Variants in FMNL2 observed in about 807,000 individuals in gnomAD.
FMNL2 encodes the protein formin like 2, also known as formin-like protein 2.
FMNL2 carries 51 observed loss-of-function variants against 130.2 expected under a neutral mutation model. That is an observed-to-expected ratio of 0.39 (90% CI 0.31 to 0.49). The LOEUF is 0.49. Ranked by LOEUF, FMNL2 falls within the 20% of genes least tolerant of loss-of-function variation. The pLI, the probability that FMNL2 is intolerant of heterozygous loss-of-function variation, is 0.85. For synonymous variants in FMNL2, 465 were observed against 467.1 expected, an observed-to-expected ratio of 1.00 and a Z score of 0.06; for missense variants, 977 against 1,316.2, an observed-to-expected ratio of 0.74 and a Z score of 3.99.
At chr2:152,492,653 T>G (rs750911622) in intron 1 of FMNL2, among the ~76,000 whole-genome samples, 3 of 152,222 alleles carry the variant, frequency 2.0e-5, no homozygotes, top group Non-Finnish European at 4.4e-5. Flanking sequence ...TTAATTAGTT[T>G]TGATTCAAAC....
chr2:152,577,038 T>C (rs1323000185), intron 7 of FMNL2, among the ~76,000 whole-genome samples: 2 of 152,204 alleles, frequency 1.3e-5, no homozygotes, highest in African/African-American at 4.8e-5. Flanking sequence ...CCATGCTGGC[T>C]TCTGTGTTTA....
Position 152,382,342 on chromosome 2 carries a change from G to A in FMNL2, c.117+46622G>A, listed in dbSNP as rs562204986. Among the ~76,000 whole-genome samples, 135 of 152,278 alleles carry A rather than the reference G, an allele frequency of 8.9e-4. 1 individual carries two copies. Among genetic ancestry groups the A allele is most frequent in the African/African-American group, 3.1e-3 (130 of 41,560 alleles). On this transcript the variant is annotated intron_variant, in intron 1 of 25. Coordinates refer to ENST00000288670, the MANE Select transcript of FMNL2 (RefSeq NM_052905.4). ...AAGGAGAGGCGTCATTAAGGAAAGC[G>A]CATGTGTCTTTGTTTCCTCTGGGTG...
At chr2:152,608,368 AAAAG>A (rs1172951463) in intron 10 of FMNL2, among the ~76,000 whole-genome samples, 457 of 14,330 alleles carry the variant, frequency 0.032, 33 homozygotes, top group South Asian at 0.11. Context: ...GTGAAAAAAA[AAAAG>A]AAAAAAAAAA....
intron 1 of FMNL2, among the ~76,000 whole-genome samples, chr2:152,518,248 C>T (rs1341050001): frequency 1.3e-5 from 2 of 152,176 alleles, no homozygotes; most frequent in African/African-American, 2.4e-5. Context: ...GAACTGCTTC[C>T]TCATGGTCCT....
intron 12 of FMNL2, 100 bp from the exon 13 acceptor site, chr2:152,616,991 G>C: frequency 1.1e-6 from 1 of 912,414 alleles, no homozygotes; most frequent in East Asian, 2.5e-5. Context: ...ACACATGCAG[G>C]GCCCTGGTCC....
intron 14 of FMNL2, 87 bp downstream of exon 14, chr2:152,619,245 GT>G: frequency 7.0e-7 from 1 of 1,436,340 alleles, no homozygotes; most frequent in Non-Finnish European, 9.2e-7. Flanking sequence ...TCCTTTGTCC[GT>G]TTTTGTTGGC....
intron 1 of FMNL2, among the ~76,000 whole-genome samples, chr2:152,446,269 C>T (rs1047495055): frequency 3.9e-5 from 6 of 152,100 alleles, no homozygotes; most frequent in Non-Finnish European, 7.4e-5. Context: ...CTTACAAATA[C>T]GGTCTAATAA....
At chr2:152,409,264 A>T (rs1212456676) in intron 1 of FMNL2, among the ~76,000 whole-genome samples, 1 of 152,242 alleles carries the variant, frequency 6.6e-6, no homozygotes, top group Non-Finnish European at 1.5e-5. Flanking sequence ...GCTGTGAGGG[A>T]TTAGAAAAAT....
chr2:152,411,138 C>T (rs1467848004), intron 1 of FMNL2, among the ~76,000 whole-genome samples: 1 of 152,186 alleles, frequency 6.6e-6, no homozygotes, highest in Non-Finnish European at 1.5e-5. Context: ...GTTTTCACTT[C>T]CTTTCCTAAG....
chr2:152,352,348 G>A (rs2105780990), intron 1 of FMNL2, among the ~76,000 whole-genome samples: 1 of 152,278 alleles, frequency 6.6e-6, no homozygotes, highest in East Asian at 1.9e-4. Context: ...TCATATATGA[G>A]AAACTCAGGA....
chr2:152,637,290 G>A (rs1247353797), intron 22 of FMNL2, among the ~76,000 whole-genome samples: 1 of 152,216 alleles, frequency 6.6e-6, no homozygotes, highest in East Asian at 1.9e-4. Context: ...TATGTGGGGT[G>A]TGTGCGTGTG....
At chr2:152,559,944 A>G (rs1045134005) in intron 5 of FMNL2, among the ~76,000 whole-genome samples, 8 of 152,210 alleles carry the variant, frequency 5.3e-5, no homozygotes, top group Non-Finnish European at 7.3e-5. Flanking sequence ...TATAGGTGAA[A>G]GTCATCACCA....
intron 1 of FMNL2, among the ~76,000 whole-genome samples, chr2:152,363,088 G>A (rs777988141): frequency 6.6e-6 from 1 of 152,158 alleles, no homozygotes. Flanking sequence ...TCACTGAAGC[G>A]ATGAAAATGT....
At chr2:152,520,154 T>C (rs899345908) in intron 1 of FMNL2, among the ~76,000 whole-genome samples, 1 of 152,208 alleles carries the variant, frequency 6.6e-6, no homozygotes, top group African/African-American at 2.4e-5. Context: ...CAAGTAGATA[T>C]TCCATGAAGA....
intron 12 of FMNL2, among the ~76,000 whole-genome samples, chr2:152,616,342 T>TTC (rs1444665735): frequency 1.4e-5 from 2 of 146,928 alleles, no homozygotes; most frequent in African/African-American, 5.0e-5. Context: ...TTTTTTTTTT[T>TTC]TTTTTGGAGA....
intron 3 of FMNL2, among the ~76,000 whole-genome samples, chr2:152,548,603 A>G (rs1158906081): frequency 1.3e-5 from 2 of 152,126 alleles, no homozygotes; most frequent in East Asian, 3.9e-4. Context: ...GTTTTATCCT[A>G]TGCACCTTTT....
chr2:152,624,052 TCCCC>T (rs1681573131), intron 15 of FMNL2, among the ~76,000 whole-genome samples: 1 of 5,620 alleles, frequency 1.8e-4, no homozygotes, highest in Non-Finnish European at 3.1e-4. Flanking sequence ...TTCCCTCCCC[TCCCC>T]TCCCCTCCCC....
chr2:152,365,756 G>C (rs13382410), intron 1 of FMNL2, among the ~76,000 whole-genome samples: 7,324 of 152,094 alleles, frequency 0.048, 287 homozygotes, highest in African/African-American at 0.1. Flanking sequence ...CTGGGCGACA[G>C]AGCAAAACTC....
intron 9 of FMNL2, among the ~76,000 whole-genome samples, chr2:152,605,992 A>G (rs1339184627): frequency 6.6e-6 from 1 of 152,222 alleles, no homozygotes; most frequent in Non-Finnish European, 1.5e-5. Flanking sequence ...CAATTTAACA[A>G]ATACGATTGG....
Sources: allele counts gnomAD v4.1 joint callset (sites outside exome capture counted in the v4.1 genomes callset), GRCh38; gene constraint gnomAD v4.1.1; transcripts MANE v1.5; gene names NCBI Gene and HGNC (gene_info 2026-07-23, HGNC 2026-07-21).